CACNA1F: variants seen among roughly 807,000 people sequenced by gnomAD.
CACNA1F encodes calcium voltage-gated channel subunit alpha1 F, also known as voltage-dependent L-type calcium channel subunit alpha-1F.
In CACNA1F, 59 loss-of-function variants were observed where a neutral mutation model predicts 143.8. That is an observed-to-expected ratio of 0.41 (90% CI 0.33 to 0.51). The LOEUF (loss-of-function observed/expected upper bound fraction) is 0.51. Ranked by LOEUF, CACNA1F falls within the 20% of genes least tolerant of loss-of-function variation. CACNA1F has a pLI of 0.22. For synonymous variants in CACNA1F, 643 were observed against 649.1 expected, an observed-to-expected ratio of 0.99 and a Z score of 0.14; for missense variants, 1,411 against 1,647.5, an observed-to-expected ratio of 0.86 and a Z score of 2.48.
chrX:49,230,157 A>G lies in CACNA1F; in HGVS notation c.817+63T>C. 6 of 1,028,416 alleles carry G rather than the reference A, an allele frequency of 5.8e-6. No individual in the cohort carries two copies. In the South Asian group the frequency reaches 1.1e-4, roughly 19 times the overall value. The allele number at this position is 1,028,416 out of a possible 1,213,427, so 84.8% of individuals were successfully genotyped here. On this transcript the variant is annotated intron_variant, in intron 6 of 47. Coordinates refer to ENST00000323022, the MANE Select transcript of CACNA1F (RefSeq NM_001256789.3). ...CATTTCAGTGGGTTTCCCTGAGTGC[A>G]GCATTGGATCTAGGAACCGAAGGAG...
In CACNA1F at chrX:49,210,620, C is replaced by T; in HGVS notation, c.4455G>A (p.Gly1485=). The part of the protein sequence containing the change: ...LRRIQPPLGF[G]KLCPHRVACK... ...AGGCCACTCGGTGTGGGCACAGCTT[C>T]CCAAATCCCAGAGGGGGCTGGATAC... Residue 1485 remains glycine, a synonymous_variant, in exon 38 of 48, where the codon GGG becomes GGA. Transcript: ENST00000323022. 1.7e-6 allele frequency: 2 copies of T among 1,211,062 alleles called. No homozygotes were observed. Among genetic ancestry groups the T allele is most frequent in the Non-Finnish European group, 2.2e-6 (2 of 895,050 alleles).
Position 49,211,961 on chromosome X carries a change from C to T in CACNA1F, c.4037G>A (p.Gly1346Asp). Reference protein sequence around the residue: ...QMFGKVALQDGTQINRNNNFQ... With the variant: ...QMFGKVALQDDTQINRNNNFQ... The stretch of plus-strand genomic sequence containing the variant: ...GTTGTTGTTTCGGTTTATCTGTGTG[C>T]CATCCTGAAGAGCCACCTTGCCGAA... The change falls in exon 35 of 48, where the codon GGC (glycine) becomes GAC (aspartate). Residue 1346 changes from glycine (G) to aspartate (D), a missense_variant. Gly to Asp is a moderately conservative substitution (Grantham distance 94, BLOSUM62 -1). Coordinates refer to ENST00000323022, the MANE Select transcript of CACNA1F (RefSeq NM_001256789.3). 8.3e-7 allele frequency: 1 copy of T among 1,210,590 alleles called. No homozygotes were observed. Among genetic ancestry groups the T allele is most frequent in the Admixed American group, 2.2e-5 (1 of 46,065 alleles).
chrX:49,228,468 G>C lies in CACNA1F; in HGVS notation c.818-21C>G, dbSNP rs202068578. 3.0e-4 allele frequency: 350 copies of C among 1,169,866 alleles called. 2 individuals carry two copies. The African/African-American group carries it at 5.1e-3, about 17-fold the overall frequency. On this transcript the variant is annotated intron_variant, in intron 6 of 47. Transcript: ENST00000323022. Reference sequence around the variant, plus strand: ...CATGTCTGCAGGAAGACTGGAGCTTGGGGCTTCGAAGCAGGCCCACTCTCA... The same window carrying C: ...CATGTCTGCAGGAAGACTGGAGCTTCGGGCTTCGAAGCAGGCCCACTCTCA...
At chrX:49,211,143 A>T in intron 36 of CACNA1F, 51 bp from the exon 37 acceptor site, 1 of 1,179,743 alleles carries the variant, frequency 8.5e-7, no homozygotes, top group South Asian at 1.8e-5. Context: ...GAACACTGTC[A>T]TGGACGGATG....
intron 1 of CACNA1F, 128 bp downstream of exon 1, chrX:49,233,157 G>T: frequency 1.5e-6 from 1 of 679,245 alleles, no homozygotes; most frequent in Non-Finnish European, 2.3e-6. Flanking sequence ...TGGCTGGGAT[G>T]GGGAACAGGG....
In CACNA1F at chrX:49,226,480, G is replaced by A. The variant is rs373612865; in HGVS notation, c.1392C>T (p.Thr464=). ...CGCCTTGGGTCTCTGTCATGGAACC[G>A]GTGTCACTGGCTGGGAGGCTGGCTG... ...SSHASLPASD[T]GSMTETQGDE... The change falls in exon 11 of 48, where the codon ACC becomes ACT. Residue 464 remains threonine, a synonymous_variant. Coordinates refer to ENST00000323022, the MANE Select transcript of CACNA1F (RefSeq NM_001256789.3). 13 of 1,188,637 alleles carry A rather than the reference G, an allele frequency of 1.1e-5. No individual in the cohort carries two copies. Among genetic ancestry groups the A allele is most frequent in the African/African-American group, 7.0e-5 (4 of 56,813 alleles).
chrX:49,219,490 A>T (rs782466503), intron 20 of CACNA1F, 40 bp from the exon 21 acceptor site: 5 of 1,199,901 alleles, frequency 4.2e-6, no homozygotes, highest in South Asian at 1.8e-5. Flanking sequence ...ACTCAGGACC[A>T]CAGAATTGTT....
intron 33 of CACNA1F, 96 bp from the exon 34 acceptor site, chrX:49,212,404 A>G: frequency 2.7e-6 from 2 of 737,932 alleles, no homozygotes; most frequent in South Asian, 4.6e-5. Context: ...GCCTGGGCCT[A>G]CTGGGAGATG....
rs781885642 is a variant in CACNA1F, at chrX:49,208,598, G to T, written c.5040C>A (p.Leu1680=). Residue 1680 remains leucine (L), a synonymous_variant, in exon 43 of 48, where the codon CTC becomes CTA. Transcript: ENST00000323022. The stretch of plus-strand genomic sequence containing the variant: ...TGTCATCATCACTGGGCCCAAAGGA[G>T]AGTGAATCTGGAAGTCTGTCCCCGA... The part of the protein sequence containing the change: ...LPVGDRLPDS[L]SFGPSDDDRG... 6 of 1,210,437 alleles carry T rather than the reference G, an allele frequency of 5.0e-6. No homozygotes were observed. The highest frequency in any genetic ancestry group is 1.8e-5 in the South Asian group (1 of 56,944).
chrX:49,215,515 C>T lies in CACNA1F; in HGVS notation c.3265G>A (p.Ala1089Thr). 1.7e-6 allele frequency: 2 copies of T among 1,203,538 alleles called. No individual in the cohort carries two copies. The highest frequency in any genetic ancestry group is 1.8e-5 in the South Asian group (1 of 56,338). The change falls in exon 28 of 48, where the codon GCA becomes ACA. Residue 1089 changes from alanine (A) to threonine (T), a missense_variant. Physicochemically the swap from Ala to Thr is moderately conservative, Grantham distance 58. This residue lies in a region of CACNA1F where 950 missense variants were observed against 1,128.1 expected (regional missense o/e 0.84). Coordinates refer to ENST00000323022, the MANE Select transcript of CACNA1F (RefSeq NM_001256789.3). ...ALLYKAIDAY[A>T]EDHGPIYNYR... ...TTATAGATGGGGCCGTGGTCCTCTG[C>T]ATATGCATCGATGGCCTTGTATAGC... is the stretch of plus-strand genomic sequence containing the variant.
rs1557104932 is a variant in CACNA1F, at chrX:49,206,605, G to A, written c.5378C>T (p.Thr1793Ile). ...GCCCTGGCGCTGCAGACACTGGATGGTGAAGGAGGGCTTCCGACCTGGGGG... is the reference window on the plus strand; with the variant it reads ...GCCCTGGCGCTGCAGACACTGGATGATGAAGGAGGGCTTCCGACCTGGGGG... The part of the protein sequence containing the change: ...PTPAGRKPSF[T>I]IQCLQRQGSC... Residue 1793 changes from threonine to isoleucine, a missense_variant, in exon 46 of 48, where the codon ACC becomes ATC. By Grantham distance (89) the Thr-to-Ile change is moderately conservative. Around this residue, in one of 3 missense-constraint regions of CACNA1F, gnomAD observed 349 missense variants for 350.2 expected, o/e 1.00. Coordinates refer to ENST00000323022, the MANE Select transcript of CACNA1F (RefSeq NM_001256789.3). The A allele has an allele frequency of 1.7e-6, 2 of 1,209,327 alleles. No homozygotes were observed. The highest frequency in any genetic ancestry group is 3.0e-5 in the East Asian group (1 of 33,809).
At chrX:49,212,047 C>A in intron 34 of CACNA1F, 58 bp from the exon 35 acceptor site, 1 of 934,113 alleles carries the variant, frequency 1.1e-6, no homozygotes, top group East Asian at 3.1e-5. Flanking sequence ...CCATTTCACA[C>A]CTCCTAATAC....
Position 49,212,738 on chromosome X carries a change from G to T in CACNA1F, c.3871C>A (p.Arg1291=). 8.3e-7 allele frequency: 1 copy of T among 1,208,216 alleles called. No homozygotes were observed. Among genetic ancestry groups the T allele is most frequent in the Non-Finnish European group, 1.1e-6 (1 of 893,267 alleles). Residue 1291 remains arginine, a synonymous_variant, in exon 33 of 48, where the codon CGG becomes AGG. Coordinates refer to ENST00000323022, the MANE Select transcript of CACNA1F (RefSeq NM_001256789.3). ...ITFFRLFRVM[R]LVKLLSKGEG... ...CCCTTACTGAGAAGCTTGACCAGCC[G>T]CATAACTCGGAAGAGGCGAAAGAAG... is the stretch of plus-strand genomic sequence containing the variant.
intron 6 of CACNA1F, 67 bp from the exon 7 acceptor site, chrX:49,228,514 C>T (rs1322591959): frequency 2.9e-5 from 26 of 896,064 alleles, no homozygotes; most frequent in Non-Finnish European, 4.0e-5. Context: ...CCCTGAAGCC[C>T]CGCCCACTTA....
chrX:49,221,020 A>G lies in CACNA1F; in HGVS notation c.2334+15T>C. The G allele has an allele frequency of 8.4e-7, 1 of 1,190,315 alleles. No individual in the cohort carries two copies. Among genetic ancestry groups the G allele is most frequent in the Non-Finnish European group, 1.1e-6 (1 of 875,699 alleles). ...GGAGTGGGAGGTGTAGACAGTGCCC[A>G]GGCATCTAACTCACCAGGCCTTCAT... is the stretch of plus-strand genomic sequence containing the variant. On this transcript the variant is annotated intron_variant, in intron 18 of 47. Coordinates refer to ENST00000323022, the MANE Select transcript of CACNA1F (RefSeq NM_001256789.3).
intron 45 of CACNA1F, 33 bp downstream of exon 45, chrX:49,206,695 G>T (rs781899372): frequency 2.5e-6 from 3 of 1,204,953 alleles, no homozygotes; most frequent in Non-Finnish European, 3.4e-6. Flanking sequence ...CTGCAGGCCC[G>T]TGGGGGCCCC....
intron 3 of CACNA1F, 84 bp from the exon 4 acceptor site, chrX:49,231,073 A>G: frequency 1.2e-6 from 1 of 856,418 alleles, no homozygotes; most frequent in Non-Finnish European, 1.7e-6. Context: ...GAGCATAGTC[A>G]GGACCGAGGG....
At chrX:49,210,825 G>T in intron 37 of CACNA1F, 139 bp from the exon 38 acceptor site, 1 of 844,986 alleles carries the variant, frequency 1.2e-6, no homozygotes, top group Non-Finnish European at 1.7e-6. Context: ...GTCAGAGAGG[G>T]CAGAGGATGG....
At position 49,231,882 on chromosome X, in the gene CACNA1F, G is replaced by T; in HGVS notation, c.71C>A (p.Pro24His). The T allele has an allele frequency of 8.5e-7, 1 of 1,181,035 alleles. No individual in the cohort carries two copies. The highest frequency in any genetic ancestry group is 3.1e-5 in the East Asian group (1 of 32,205). Reference protein sequence around the residue: ...PSPANGAGPGPEWGLCPGPPA... With the variant: ...PSPANGAGPGHEWGLCPGPPA... Reference sequence around the variant, plus strand: ...GGGCCCGGGGCACAGCCCCCATTCGGGACCAGGGCCTGCCCCATTGGCTGG... The same window carrying T: ...GGGCCCGGGGCACAGCCCCCATTCGTGACCAGGGCCTGCCCCATTGGCTGG... Residue 24 changes from proline (P) to histidine (H), a missense_variant, in exon 2 of 48, where the codon CCC becomes CAC. By Grantham distance (77) the Pro-to-His change is moderately conservative. Around this residue, in one of 3 missense-constraint regions of CACNA1F, gnomAD observed 950 missense variants for 1,128.1 expected, o/e 0.84. Coordinates refer to ENST00000323022, the MANE Select transcript of CACNA1F (RefSeq NM_001256789.3).
Sources: gnomAD v4.1 joint callset for allele counts on GRCh38, gnomAD v4.1.1 for gene constraint, gnomAD v4.1.1 regional missense constraint, MANE v1.5 for transcripts, NCBI Gene and HGNC (gene_info 2026-07-23, HGNC 2026-07-21) for gene names.